Variants in COPG2 observed in about 807,000 individuals in gnomAD.
COPG2 encodes coatomer subunit gamma-2.
In COPG2, 37 loss-of-function variants were observed where a neutral mutation model predicts 46.3. The ratio of observed to expected loss-of-function variants is 0.80; its 90% CI spans 0.61 to 1.05. The LOEUF is 1.05. Among genes scored for constraint, COPG2 ranks in the 50% least tolerant of loss-of-function variants. The pLI, the probability that COPG2 is intolerant of heterozygous loss-of-function variation, is 0.00. For missense variants in COPG2, 427 were observed against 387.8 expected (o/e 1.10, Z -0.85); for synonymous variants, 159 against 129.7 (o/e 1.23, Z -1.53).
intron 4 of COPG2, among the ~76,000 whole-genome samples, chr7:130,654,154 C>T (rs1554459560): frequency 6.6e-6 from 1 of 152,148 alleles, no homozygotes; most frequent in Non-Finnish European, 1.5e-5. Flanking sequence ...ATTCAAAAGA[C>T]AAACAACACA....
At chr7:130,619,491 C>G (rs1795002521) in intron 5 of COPG2, among the ~76,000 whole-genome samples, 1 of 152,160 alleles carries the variant, frequency 6.6e-6, no homozygotes, top group Admixed American at 6.5e-5. Context: ...TTTCTCCTCT[C>G]TCATCTGCCC....
At chr7:130,522,988 G>A (rs985574753) in intron 20 of COPG2, among the ~76,000 whole-genome samples, 7 of 151,690 alleles carry the variant, frequency 4.6e-5, no homozygotes, top group Non-Finnish European at 8.8e-5. Context: ...GCGTGGTGGT[G>A]GATGCCTGTA....
chr7:130,583,463 A>T (rs1794196366), intron 9 of COPG2, among the ~76,000 whole-genome samples: 3 of 144,382 alleles, frequency 2.1e-5, no homozygotes, highest in South Asian at 2.3e-4. Context: ...AACCTGCACA[A>T]TGTGCACATG....
chr7:130,547,684 GTCA>G lies in COPG2; in HGVS notation c.2136_2138del (p.Asp713del). ...TCTGAGGGTTAGTACCTGCTGTAGGGTCATCATCAGGCAAACGAACAAGAGTGT... is the reference window on the plus strand; with the variant it reads ...TCTGAGGGTTAGTACCTGCTGTAGGGTCATCAGGCAAACGAACAAGAGTGT... On this transcript the variant is annotated inframe_deletion, in exon 20 of 24. Coordinates refer to ENST00000425248, the MANE Select transcript of COPG2 (RefSeq NM_012133.6). The G allele has an allele frequency of 2.5e-6, 1 of 398,556 alleles. No homozygotes were observed. The allele number at this position is 398,556 out of a possible 1,614,324, so 24.7% of individuals were successfully genotyped here.
chr7:130,613,243 C>G (rs1794887302), intron 7 of COPG2, among the ~76,000 whole-genome samples: 1 of 152,282 alleles, frequency 6.6e-6, no homozygotes, highest in East Asian at 1.9e-4. Flanking sequence ...AGGGTTCGAG[C>G]TCCTATGAGA....
At chr7:130,551,733 A>G (rs949770554) in intron 15 of COPG2, among the ~76,000 whole-genome samples, 4 of 152,180 alleles carry the variant, frequency 2.6e-5, no homozygotes, top group Non-Finnish European at 5.9e-5. Flanking sequence ...AAATCCAGCC[A>G]CTGTTTTTGC....
chr7:130,642,880 G>A (rs1343400564), intron 5 of COPG2, among the ~76,000 whole-genome samples: 4 of 151,960 alleles, frequency 2.6e-5, no homozygotes, highest in African/African-American at 9.7e-5. Flanking sequence ...AAAATTAGCT[G>A]GGCGTGGTGG....
intron 5 of COPG2, among the ~76,000 whole-genome samples, chr7:130,646,942 CGTATATATATATAT>C (rs1795607764): frequency 8.3e-6 from 1 of 120,598 alleles, no homozygotes; most frequent in Non-Finnish European, 1.6e-5. Flanking sequence ...TATATATATA[CGTATATATATATAT>C]GCATATATAT....
intron 9 of COPG2, among the ~76,000 whole-genome samples, chr7:130,569,065 GAAAGTTCATACTACTA>G (rs1793852119): frequency 6.6e-6 from 1 of 152,092 alleles, no homozygotes; most frequent in Non-Finnish European, 1.5e-5. Context: ...GTGCTAAGAG[GAAAGTTCATACTACTA>G]AATGCCTACA....
At chr7:130,542,265 T>A (rs1793342254) in intron 20 of COPG2, among the ~76,000 whole-genome samples, 1 of 149,098 alleles carries the variant, frequency 6.7e-6, no homozygotes, top group African/African-American at 2.5e-5. Flanking sequence ...ACGGAAGGAA[T>A]GAAGGAGAGG....
At chr7:130,655,815 G>A (rs1795838753) in intron 4 of COPG2, among the ~76,000 whole-genome samples, 1 of 152,074 alleles carries the variant, frequency 6.6e-6, no homozygotes, top group African/African-American at 2.4e-5. Flanking sequence ...CATAAATTTT[G>A]TTTGATTTTC....
At chr7:130,537,038 A>T (rs1799887036) in intron 20 of COPG2, among the ~76,000 whole-genome samples, 1 of 152,044 alleles carries the variant, frequency 6.6e-6, no homozygotes, top group African/African-American at 2.4e-5. Flanking sequence ...GGAGCAGAGG[A>T]GCTGGGTCTC....
rs145337531 is a variant in COPG2 at position 130,603,216 on chromosome 7, C to T, written c.737+7737G>A. Among the ~76,000 whole-genome samples, 20 of 152,250 alleles carry T rather than the reference C, an allele frequency of 1.3e-4. No individual in the cohort carries two copies. The East Asian group carries it at 3.5e-3, about 26-fold the overall frequency. On this transcript the variant is annotated intron_variant, in intron 9 of 23. Transcript: ENST00000425248. ...ATCACTATACTAACTTTCAATACCA[C>T]AGGTTAGTTGTGCCTATGTTAAGTC...
chr7:130,511,129 A>G (rs1424556777), intron 20 of COPG2, among the ~76,000 whole-genome samples: 4 of 152,188 alleles, frequency 2.6e-5, no homozygotes, highest in African/African-American at 9.7e-5. Flanking sequence ...GGGCCAGGGT[A>G]CAGAAAATGC....
At chr7:130,526,974 C>G (rs1297580753) in intron 20 of COPG2, among the ~76,000 whole-genome samples, 2 of 150,250 alleles carry the variant, frequency 1.3e-5, no homozygotes, top group Non-Finnish European at 3.0e-5. Flanking sequence ...AAACCAAACT[C>G]TAGGCATTTG....
At chr7:130,581,979 C>T (rs1794155184) in intron 9 of COPG2, among the ~76,000 whole-genome samples, 1 of 152,032 alleles carries the variant, frequency 6.6e-6, no homozygotes, top group Non-Finnish European at 1.5e-5. Context: ...ACTTTCTTCA[C>T]AGAATTGGAA....
chr7:130,647,570 A>C (rs915792314), intron 5 of COPG2, among the ~76,000 whole-genome samples: 7 of 152,058 alleles, frequency 4.6e-5, no homozygotes, highest in African/African-American at 1.4e-4. Flanking sequence ...GAAACTGCCA[A>C]AACTTTTCTA....
At chr7:130,620,043 G>C (rs1222249499) in intron 5 of COPG2, among the ~76,000 whole-genome samples, 1 of 152,064 alleles carries the variant, frequency 6.6e-6, no homozygotes, top group Non-Finnish European at 1.5e-5. Flanking sequence ...ATTTTTATTG[G>C]AATACAGTAT....
intron 9 of COPG2, among the ~76,000 whole-genome samples, chr7:130,596,299 T>G (rs1179433149): frequency 2.0e-5 from 3 of 152,242 alleles, no homozygotes; most frequent in Admixed American, 6.5e-5. Flanking sequence ...CTCATGCTTC[T>G]TCCTCATACT....
Sources: gnomAD v4.1 joint callset for allele counts (sites outside exome capture counted in the v4.1 genomes callset) on GRCh38, gnomAD v4.1.1 for gene constraint, MANE v1.5 for transcripts, NCBI Gene and HGNC (gene_info 2026-07-23, HGNC 2026-07-21) for gene names.